FAAH2: variants seen among roughly 807,000 people sequenced by gnomAD.
FAAH2 encodes fatty-acid amide hydrolase 2.
Under a neutral mutation model 36.9 loss-of-function variants are expected in FAAH2, and 60 were observed. The ratio of observed to expected loss-of-function variants is 1.63; its 90% CI spans 1.32 to 2.02. FAAH2 has a LOEUF of 2.02. Ranked by LOEUF, FAAH2 falls within the 30% of genes most tolerant of loss-of-function variation. The pLI is 0.00. For missense variants in FAAH2, 689 were observed against 397.5 expected, an observed-to-expected ratio of 1.73 and a Z score of -6.23; for synonymous variants, 214 against 143.8, an observed-to-expected ratio of 1.49 and a Z score of -3.49.
At chrX:57,350,987 G>T (rs754423931) in intron 5 of FAAH2, among the ~76,000 whole-genome samples, 1 of 111,357 alleles carries the variant, frequency 9.0e-6, no homozygotes, top group African/African-American at 3.2e-5. Context: ...AATCTAAATG[G>T]ATGTAATAGA....
chrX:57,121,629 C>T, the FAAH2 span: 3 of 112,732 alleles, frequency 2.7e-5, no homozygotes, highest in African/African-American at 9.7e-5. Context: ...CTCCACCAGG[C>T]TCCCACGCCC....
the FAAH2 span, among the ~76,000 whole-genome samples, chrX:57,236,588 A>G: frequency 4.7e-4 from 53 of 112,097 alleles, no homozygotes; most frequent in East Asian, 5.6e-4. Context: ...TTCCCCAGTG[A>G]TTAGTGATAT....
At chrX:57,390,339 T>A in intron 7 of FAAH2, among the ~76,000 whole-genome samples, 1 of 111,704 alleles carries the variant, frequency 9.0e-6, no homozygotes, top group East Asian at 2.8e-4. Context: ...TTGTACTTTA[T>A]TTTTTATTAT....
intron 3 of FAAH2, among the ~76,000 whole-genome samples, chrX:57,321,500 A>G (rs1022162969): frequency 1.8e-5 from 2 of 110,199 alleles, no homozygotes; most frequent in African/African-American, 6.6e-5. Flanking sequence ...TATTTAAAAA[A>G]ATAGTTTTCC....
At chrX:57,163,968 C>T in the FAAH2 span, among the ~76,000 whole-genome samples, 1 of 112,242 alleles carries the variant, frequency 8.9e-6, no homozygotes, top group South Asian at 3.7e-4. Flanking sequence ...TGATGATTTC[C>T]TGGTAAATAT....
At chrX:57,418,423 G>C (rs1253393142) in intron 7 of FAAH2, among the ~76,000 whole-genome samples, 1 of 110,994 alleles carries the variant, frequency 9.0e-6, no homozygotes, top group Non-Finnish European at 1.9e-5. Context: ...GTGTTATCTG[G>C]GGCCGTATTG....
At chrX:57,166,292 A>G in the FAAH2 span, among the ~76,000 whole-genome samples, 1 of 111,877 alleles carries the variant, frequency 8.9e-6, no homozygotes, top group Non-Finnish European at 1.9e-5. Flanking sequence ...CTGGTACACT[A>G]AGACAAGAAC....
chrX:57,339,582 G>T (rs1222499797), intron 4 of FAAH2, among the ~76,000 whole-genome samples: 1 of 111,384 alleles, frequency 9.0e-6, no homozygotes, highest in African/African-American at 3.3e-5. Context: ...ACATTAAAAA[G>T]TAGGCAAAGG....
At chrX:57,195,051 T>G in the FAAH2 span, among the ~76,000 whole-genome samples, 1 of 111,435 alleles carries the variant, frequency 9.0e-6, no homozygotes, top group African/African-American at 3.3e-5. Flanking sequence ...TTTTTGTAAT[T>G]GCAAATTCTG....
At chrX:57,322,474 T>A (rs2053059221) in intron 3 of FAAH2, among the ~76,000 whole-genome samples, 2 of 111,420 alleles carry the variant, frequency 1.8e-5, no homozygotes, top group Non-Finnish European at 3.8e-5. Flanking sequence ...TATTATGTGT[T>A]TTGGGGATGA....
intron 10 of FAAH2, among the ~76,000 whole-genome samples, chrX:57,467,383 A>T (rs367713372): frequency 9.0e-6 from 1 of 111,310 alleles, no homozygotes; most frequent in Admixed American, 9.6e-5. Flanking sequence ...GCACCTTGAA[A>T]ATCGGGTCAC....
At chrX:57,281,068 G>A in the FAAH2 span, among the ~76,000 whole-genome samples, 3 of 111,363 alleles carry the variant, frequency 2.7e-5, no homozygotes, top group Non-Finnish European at 5.7e-5. Flanking sequence ...AATAATGAGG[G>A]GATTGGGCAG....
the FAAH2 span, among the ~76,000 whole-genome samples, chrX:57,217,095 A>G: frequency 9.0e-6 from 1 of 111,052 alleles, no homozygotes; most frequent in Non-Finnish European, 1.9e-5. Flanking sequence ...TTGTCTATTC[A>G]TGTCCTTAGC....
At chrX:57,196,493 C>A in the FAAH2 span, among the ~76,000 whole-genome samples, 1 of 111,239 alleles carries the variant, frequency 9.0e-6, no homozygotes, top group African/African-American at 3.3e-5. Context: ...GGTATACAAT[C>A]ATATCGTTGG....
chrX:57,123,533 C>T, the FAAH2 span, among the ~76,000 whole-genome samples: 2 of 111,985 alleles, frequency 1.8e-5, no homozygotes. Flanking sequence ...TGGGATGGCT[C>T]GGTCAAATGG....
In FAAH2 at chrX:57,287,075, G is replaced by C; in HGVS notation, c.192+58G>C. 7 of 1,060,107 alleles carry C rather than the reference G, an allele frequency of 6.6e-6. No homozygotes were observed. The South Asian group carries it at 8.1e-5, about 12-fold the overall frequency. The allele number at this position is 1,060,107 out of a possible 1,213,427, so 87.4% of individuals were successfully genotyped here. A position where few individuals can be genotyped will look rare whatever the true frequency, so the allele number is the denominator to read the frequency against. On this transcript the variant is annotated intron_variant, in intron 1 of 10. Coordinates refer to ENST00000374900, the MANE Select transcript of FAAH2 (RefSeq NM_174912.4). The stretch of plus-strand genomic sequence containing the variant: ...CAGGTCTTTTAGCAGGATCCAGGAA[G>C]CTTAGTGGTGGCGGTGGTTGTGGTT...
Position 57,392,943 on chromosome X carries a change from C to T in FAAH2, c.996+11914C>T, listed in dbSNP as rs746152840. 365 of 910,538 alleles carry T rather than the reference C, an allele frequency of 4.0e-4. 1 individual carries two copies. Among genetic ancestry groups the T allele is most frequent in the South Asian group, 1.2e-3 (61 of 50,714 alleles). 75.0% of individuals were successfully genotyped at this position (910,538 alleles called of 1,213,427 possible). A position where few individuals can be genotyped will look rare whatever the true frequency, so the allele number is the denominator to read the frequency against. ...GAGGAGTAATTCAATGTTGTCTGCTCCATAGATCTTCTGTGCAATGATCCT... is the reference window on the plus strand; with the variant it reads ...GAGGAGTAATTCAATGTTGTCTGCTTCATAGATCTTCTGTGCAATGATCCT... On this transcript the variant is annotated intron_variant, in intron 7 of 10. Coordinates refer to ENST00000374900, the MANE Select transcript of FAAH2 (RefSeq NM_174912.4).
At chrX:57,364,840 A>C (rs2054374822) in intron 5 of FAAH2, among the ~76,000 whole-genome samples, 1 of 111,070 alleles carries the variant, frequency 9.0e-6, no homozygotes, top group African/African-American at 3.3e-5. Flanking sequence ...ATGTTGCTTA[A>C]TTTCCATGTA....
At chrX:57,379,031 TC>T (rs1331792114) in intron 6 of FAAH2, among the ~76,000 whole-genome samples, 1 of 111,697 alleles carries the variant, frequency 9.0e-6, no homozygotes, top group Non-Finnish European at 1.9e-5. Flanking sequence ...AAACAGTGAA[TC>T]TTTTTGTTTT....
Sources: allele counts gnomAD v4.1 joint callset (sites outside exome capture counted in the v4.1 genomes callset), GRCh38; gene constraint gnomAD v4.1.1; transcripts MANE v1.5; gene names NCBI Gene and HGNC (gene_info 2026-07-23, HGNC 2026-07-21).